UBE2E3: variants seen among roughly 807,000 people sequenced by gnomAD.
UBE2E3 encodes ubiquitin conjugating enzyme E2 E3.
A neutral mutation model predicts 23.6 loss-of-function variants in UBE2E3; 5 were observed. The observed-to-expected ratio is 0.21, with a 90% CI of 0.11 to 0.44. The LOEUF is 0.44. UBE2E3 is among the 20% of genes least tolerant of loss of function. The pLI is 0.99. For missense variants in UBE2E3, 81 were observed against 249.8 expected, an observed-to-expected ratio of 0.32 and a Z score of 4.55; for synonymous variants, 78 against 87.5, an observed-to-expected ratio of 0.89 and a Z score of 0.60.
At chr2:180,996,000 G>T (rs537126506) in intron 3 of UBE2E3, among the ~76,000 whole-genome samples, 10 of 151,966 alleles carry the variant, frequency 6.6e-5, no homozygotes, top group Non-Finnish European at 1.2e-4. Flanking sequence ...AAAATAATGA[G>T]TTGGTGTCCT....
chr2:180,988,983 A>G (rs1237466534), intron 3 of UBE2E3, among the ~76,000 whole-genome samples: 1 of 152,152 alleles, frequency 6.6e-6, no homozygotes, highest in Non-Finnish European at 1.5e-5. Context: ...ACAGATAAAT[A>G]CAGAACTACT....
chr2:180,998,653 A>G (rs887785466), intron 3 of UBE2E3, among the ~76,000 whole-genome samples: 90 of 152,136 alleles, frequency 5.9e-4, no homozygotes, highest in African/African-American at 2.2e-3. Flanking sequence ...CTATACAAGA[A>G]TATTAAGGCC....
chr2:181,052,584 A>G (rs1329580181), intron 3 of UBE2E3, among the ~76,000 whole-genome samples: 1 of 151,848 alleles, frequency 6.6e-6, no homozygotes, highest in African/African-American at 2.4e-5. Context: ...CTGAAAGTTA[A>G]CAGTGCAGGC....
chr2:180,988,339 A>T (rs538893878), intron 3 of UBE2E3, among the ~76,000 whole-genome samples: 4 of 152,266 alleles, frequency 2.6e-5, no homozygotes, highest in Non-Finnish European at 5.9e-5. Flanking sequence ...TTGTTTTTTA[A>T]TGTCAGTAAA....
intron 5 of UBE2E3, among the ~76,000 whole-genome samples, chr2:181,061,988 C>A (rs1363361046): frequency 6.6e-6 from 1 of 151,354 alleles, no homozygotes; most frequent in African/African-American, 2.4e-5. Flanking sequence ...TCTATATGAA[C>A]TAATAGGGAA....
chr2:180,989,891 C>T, intron 3 of UBE2E3: 2 of 1,543,864 alleles, frequency 1.3e-6, no homozygotes, highest in Non-Finnish European at 1.8e-6. Context: ...GGAAAATCAG[C>T]AAGTCTTGCA....
intron 3 of UBE2E3, among the ~76,000 whole-genome samples, chr2:181,018,030 T>A (rs1449534947): frequency 6.6e-6 from 1 of 151,886 alleles, no homozygotes; most frequent in African/African-American, 2.4e-5. Flanking sequence ...ACCACCCTAA[T>A]TTTGTTTTCG....
chr2:181,031,354 A>G (rs1457040076), intron 3 of UBE2E3, among the ~76,000 whole-genome samples: 4 of 152,036 alleles, frequency 2.6e-5, no homozygotes, highest in Non-Finnish European at 4.4e-5. Flanking sequence ...TGTTTGCTGT[A>G]TTACTTTTTA....
At chr2:180,982,916 G>A (rs1684346987) in intron 2 of UBE2E3, among the ~76,000 whole-genome samples, 1 of 152,082 alleles carries the variant, frequency 6.6e-6, no homozygotes, top group African/African-American at 2.4e-5. Context: ...TGAAACTTGT[G>A]GATGTGCTTG....
intron 3 of UBE2E3, among the ~76,000 whole-genome samples, chr2:181,050,930 G>A (rs1466516715): frequency 6.6e-6 from 1 of 151,814 alleles, no homozygotes; most frequent in South Asian, 2.1e-4. Flanking sequence ...TAATAGGTAA[G>A]ACTTGAGTAA....
At chr2:180,997,111 C>CT (rs202154522) in intron 3 of UBE2E3, among the ~76,000 whole-genome samples, 34,698 of 147,316 alleles carry the variant, frequency 0.24, 4,252 homozygotes, top group Non-Finnish European at 0.29. Flanking sequence ...TCAAACTACA[C>CT]TTTTTTTTTT....
intron 3 of UBE2E3, among the ~76,000 whole-genome samples, chr2:181,049,683 G>T (rs543684492): frequency 1.3e-5 from 2 of 152,040 alleles, no homozygotes; most frequent in East Asian, 3.9e-4. Context: ...TGCATTATCT[G>T]TGCAGATAGA....
intron 3 of UBE2E3, among the ~76,000 whole-genome samples, chr2:181,014,839 T>G (rs1259019387): frequency 1.3e-5 from 2 of 152,180 alleles, no homozygotes; most frequent in African/African-American, 4.8e-5. Flanking sequence ...ACATTTATCT[T>G]TATGTTGGTA....
chr2:181,029,659 C>CTTTTTTTTTTTTTTTTTTTTTAT (rs61149975), intron 3 of UBE2E3, among the ~76,000 whole-genome samples: 1 of 116,852 alleles, frequency 8.6e-6, no homozygotes, highest in African/African-American at 3.3e-5. Context: ...TGTAGACAAT[C>CTTTTTTTTTTTTTTTTTTTTTAT]TTTTTTTTTT....
rs75100260 is a variant in UBE2E3 at position 181,023,952 on chromosome 2, C to G, written c.246-33741C>G. Among the ~76,000 whole-genome samples the G allele has an allele frequency of 5.3e-5, 8 of 152,210 alleles. No individual in the cohort carries two copies. In the East Asian group the frequency reaches 1.3e-3, roughly 26 times the overall value. ...AGTAGACTCTTTATTTCTCCCTACT[C>G]CTTACTGTCACAAGTGATAAAGCAA... On this transcript the variant is annotated intron_variant, in intron 3 of 5. Coordinates refer to ENST00000410062, the MANE Select transcript of UBE2E3 (RefSeq NM_006357.4).
chr2:181,035,520 T>C (rs1574206250), intron 3 of UBE2E3, among the ~76,000 whole-genome samples: 1 of 152,312 alleles, frequency 6.6e-6, no homozygotes, highest in East Asian at 1.9e-4. Flanking sequence ...ATGTATACTT[T>C]AATAAACATG....
At chr2:181,014,701 G>A (rs1685434017) in intron 3 of UBE2E3, among the ~76,000 whole-genome samples, 1 of 152,044 alleles carries the variant, frequency 6.6e-6, no homozygotes, top group African/African-American at 2.4e-5. Context: ...CTTCAGCAGA[G>A]CTGTTTTATT....
At chr2:181,012,339 A>G (rs974738163) in intron 3 of UBE2E3, among the ~76,000 whole-genome samples, 1 of 152,162 alleles carries the variant, frequency 6.6e-6, no homozygotes, top group Non-Finnish European at 1.5e-5. Flanking sequence ...GGTTAGTTAC[A>G]GTTGTCATTT....
intron 3 of UBE2E3, among the ~76,000 whole-genome samples, chr2:181,015,798 G>A (rs1172330675): frequency 6.6e-6 from 1 of 152,046 alleles, no homozygotes; most frequent in African/African-American, 2.4e-5. Context: ...TCACTAAAAT[G>A]ATTACATGGT....
Sources: allele counts gnomAD v4.1 joint callset (sites outside exome capture counted in the v4.1 genomes callset), GRCh38; gene constraint gnomAD v4.1.1; transcripts MANE v1.5; gene names NCBI Gene and HGNC (gene_info 2026-07-23, HGNC 2026-07-21).